Variants in ADGRV1 observed in about 807,000 individuals in gnomAD.
The protein encoded by ADGRV1 is adhesion G protein-coupled receptor V1, also known as G-protein coupled receptor 98.
In ADGRV1, 359 loss-of-function variants were observed where a neutral mutation model predicts 596.2. The observed-to-expected ratio is 0.60, with a 90% confidence interval of 0.55 to 0.66. The LOEUF is 0.66. ADGRV1 is among the 30% of genes least tolerant of loss of function. The pLI is 0.00. For missense variants in ADGRV1, 7,274 were observed against 7,575.6 expected (o/e 0.96, Z 1.48); for synonymous variants, 2,681 against 2,679.2 (o/e 1.00, Z -0.02).
chr5:90,647,894 T>A, intron 17 of ADGRV1, 130 bp downstream of exon 17: 1 of 744,386 alleles, frequency 1.3e-6, no homozygotes, highest in Non-Finnish European at 2.1e-6. Context: ...GTAAAATTAT[T>A]TCATTGCTTT....
intron 59 of ADGRV1, among the ~76,000 whole-genome samples, chr5:90,766,953 C>G (rs1377368480): frequency 6.6e-6 from 1 of 152,120 alleles, no homozygotes; most frequent in African/African-American, 2.4e-5. Flanking sequence ...CCCAGTTAAG[C>G]TGAGCACAGA....
Position 90,593,395 on chromosome 5 carries a change from G to A in ADGRV1, c.23-21440G>A, listed in dbSNP as rs185209474. On this transcript the variant is annotated intron_variant, in intron 1 of 89. Coordinates refer to ENST00000405460, the MANE Select transcript of ADGRV1 (RefSeq NM_032119.4). ...ATGTTCTCACTCATAGGTGGGAATC[G>A]AACAATGAGAACACATGGACACAGG... Among the ~76,000 whole-genome samples the A allele has an allele frequency of 8.6e-5, 13 of 150,530 alleles. No homozygotes were observed. In the East Asian group the frequency reaches 2.6e-3, roughly 30 times the overall value.
At chr5:90,778,394 T>G (rs1277540136) in intron 62 of ADGRV1, 33 bp from the exon 63 acceptor site, 1 of 1,587,376 alleles carries the variant, frequency 6.3e-7, no homozygotes, top group Admixed American at 1.7e-5. Context: ...ATTCCACAGA[T>G]TCTACTGTTG....
At chr5:90,563,989 T>C (rs536068569) in intron 1 of ADGRV1, among the ~76,000 whole-genome samples, 10 of 152,344 alleles carry the variant, frequency 6.6e-5, no homozygotes, top group Middle Eastern at 3.4e-3. Context: ...TCAGTGTAGC[T>C]CATCTTTTGG....
Position 91,066,807 on chromosome 5 carries a change from C to T in ADGRV1, c.18153-5640C>T, listed in dbSNP as rs114252822. Among the ~76,000 whole-genome samples, 274 of 152,284 alleles carry T rather than the reference C, an allele frequency of 1.8e-3. 1 individual carries two copies. Among genetic ancestry groups the T allele is most frequent in the African/African-American group, 6.4e-3 (266 of 41,542 alleles). On this transcript the variant is annotated intron_variant, in intron 85 of 89. Transcript: ENST00000405460. ...TGTTTGAAGGAGATTGGGATGGAGT[C>T]CTGGCTGGACAGCAGTGAGCAAGGG...
At position 91,014,176 on chromosome 5, in the gene ADGRV1, C is replaced by CACACACACA. The variant is rs56292568; in HGVS notation, c.18152+28654_18152+28655insACACACACA. On this transcript the variant is annotated intron_variant, in intron 85 of 89. Coordinates refer to ENST00000405460, the MANE Select transcript of ADGRV1 (RefSeq NM_032119.4). Reference sequence around the variant, plus strand: ...CACACACACACACACACACACACACCCCTAGACATACAGCTAACCAGGGAG... The same window carrying CACACACACA: ...CACACACACACACACACACACACACCACACACACACCTAGACATACAGCTAACCAGGGAG... 8.6e-3 allele frequency among the ~76,000 whole-genome samples: 1,072 copies of CACACACACA among 124,136 alleles called. 85 individuals are homozygous for CACACACACA. Among genetic ancestry groups the CACACACACA allele is most frequent in the East Asian group, 0.014 (55 of 3,952 alleles). The allele number at this position is 124,136 out of a possible 152,430, so 81.4% of individuals were successfully genotyped here. A position where few individuals can be genotyped will look rare whatever the true frequency, so the allele number is the denominator to read the frequency against.
chr5:90,570,727 C>A (rs1348964839), intron 1 of ADGRV1, among the ~76,000 whole-genome samples: 1 of 150,934 alleles, frequency 6.6e-6, no homozygotes, highest in Middle Eastern at 3.5e-3. Flanking sequence ...CTGTGAATTT[C>A]TCAATGTAGT....
At chr5:91,151,730 G>C (rs931593140) in intron 88 of ADGRV1, among the ~76,000 whole-genome samples, 2 of 152,212 alleles carry the variant, frequency 1.3e-5, no homozygotes, top group Non-Finnish European at 2.9e-5. Context: ...TAAAGAGTCA[G>C]TTTATCATTC....
intron 79 of ADGRV1, among the ~76,000 whole-genome samples, chr5:90,851,094 C>G (rs376107844): frequency 2.5e-4 from 16 of 64,116 alleles, no homozygotes; most frequent in African/African-American, 7.9e-4. Context: ...ATGGAGTAAG[C>G]TAGGTAGGGT....
chr5:90,955,242 C>CA (rs1229927626), intron 83 of ADGRV1, among the ~76,000 whole-genome samples: 2 of 152,170 alleles, frequency 1.3e-5, no homozygotes, highest in African/African-American at 4.8e-5. Flanking sequence ...TTTGTCATAA[C>CA]AGCCCGAACT....
Position 90,791,052 on chromosome 5 carries a change from C to G in ADGRV1, c.14223C>G (p.Ala4741=). 1 of 1,613,842 alleles carries G rather than the reference C, an allele frequency of 6.2e-7. No homozygotes were observed. The highest frequency in any genetic ancestry group is 8.5e-7 in the Non-Finnish European group (1 of 1,179,866). Residue 4741 remains alanine, a synonymous_variant, in exon 70 of 90, where the codon GCC becomes GCG. Transcript: ENST00000405460. ...VIQLVSVEGG[A]ELDLEKSITW... ...AGCTTGTTTCTGTAGAGGGAGGAGCCGAACTGGATCTGGAGAAGAGTATCA... is the reference window on the plus strand; with the variant it reads ...AGCTTGTTTCTGTAGAGGGAGGAGCGGAACTGGATCTGGAGAAGAGTATCA...
intron 82 of ADGRV1, among the ~76,000 whole-genome samples, chr5:90,861,309 T>G (rs932477818): frequency 3.8e-4 from 58 of 151,940 alleles, no homozygotes; most frequent in Admixed American, 2.5e-3. Context: ...TATCTATTTT[T>G]TTTTTGTTTT....
intron 87 of ADGRV1, among the ~76,000 whole-genome samples, chr5:91,115,029 T>G (rs570312912): frequency 3.9e-5 from 6 of 152,310 alleles, no homozygotes; most frequent in Non-Finnish European, 5.9e-5. Context: ...AAAACAACGC[T>G]GAATATAGGG....
Position 90,862,960 on chromosome 5 carries a change from G to A in ADGRV1, c.17756-797G>A, listed in dbSNP as rs139465868. 4.3e-3 allele frequency among the ~76,000 whole-genome samples: 649 copies of A among 152,274 alleles called. 8 individuals carry two copies. The highest frequency in any genetic ancestry group is 3.4e-3 in the Middle Eastern group (1 of 294). On this transcript the variant is annotated intron_variant, in intron 82 of 89. Transcript: ENST00000405460. ...GCCTCCTGTTTATTAACGAGGCATT[G>A]ATATAACTAAACGGGTAAAAATGCA...
At chr5:90,698,103 A>G (rs1317593239) in intron 34 of ADGRV1, among the ~76,000 whole-genome samples, 1 of 152,128 alleles carries the variant, frequency 6.6e-6, no homozygotes, top group East Asian at 1.9e-4. Flanking sequence ...TCAGTACTCT[A>G]CTTTTATTAA....
intron 85 of ADGRV1, among the ~76,000 whole-genome samples, chr5:90,997,817 C>T (rs566810351): frequency 6.6e-6 from 1 of 152,190 alleles, no homozygotes; most frequent in South Asian, 2.1e-4. Flanking sequence ...TCCATCTGTG[C>T]AATGGGCATC....
At chr5:90,704,874 G>C in intron 36 of ADGRV1, among the ~76,000 whole-genome samples, 1 of 151,912 alleles carries the variant, frequency 6.6e-6, no homozygotes, top group Non-Finnish European at 1.5e-5. Context: ...GCAGTGGCGC[G>C]ATCTCGGTTC....
chr5:90,563,802 T>C lies in ADGRV1; in HGVS notation c.22+4885T>C, dbSNP rs1755179321. ...ATAAAGGTTTTGTACTGTGTGCTAA[T>C]TGAAAATAAGATTTTTGTCAGCTTC... On this transcript the variant is annotated intron_variant, in intron 1 of 89. Coordinates refer to ENST00000405460, the MANE Select transcript of ADGRV1 (RefSeq NM_032119.4). 2.0e-5 allele frequency among the ~76,000 whole-genome samples: 3 copies of C among 152,264 alleles called. No homozygotes were observed. The South Asian group carries it at 6.2e-4, about 31-fold the overall frequency.
At chr5:91,059,668 T>C (rs1057419006) in intron 85 of ADGRV1, among the ~76,000 whole-genome samples, 2 of 152,224 alleles carry the variant, frequency 1.3e-5, no homozygotes, top group African/African-American at 4.8e-5. Context: ...CCCTCAATAT[T>C]GGGAATTCCC....
Sources: gnomAD v4.1 joint callset for allele counts (sites outside exome capture counted in the v4.1 genomes callset) on GRCh38, gnomAD v4.1.1 for gene constraint, MANE v1.5 for transcripts, NCBI Gene and HGNC (gene_info 2026-07-23, HGNC 2026-07-21) for gene names.